The following THADA variants were observed in gnomAD, a reference collection of about 807,000 sequenced individuals.
THADA encodes THADA armadillo repeat containing.
A neutral mutation model predicts 219.8 loss-of-function variants in THADA; 213 were observed. The observed-to-expected ratio is 0.97, with a 90% confidence interval of 0.87 to 1.09. THADA has a LOEUF of 1.09. Ranked by LOEUF, THADA falls within the 50% of genes least tolerant of loss-of-function variation. The pLI, the probability that THADA is intolerant of heterozygous loss-of-function variation, is 0.00. For missense variants in THADA, 2,956 were observed against 2,311.3 expected (o/e 1.28, Z -5.72); for synonymous variants, 1,018 against 828.9 (o/e 1.23, Z -3.92).
chr2:43,257,237 T>C (rs938322068), intron 36 of THADA, among the ~76,000 whole-genome samples: 1 of 152,232 alleles, frequency 6.6e-6, no homozygotes. Context: ...CCAGACTACC[T>C]GTTTTGGGAG....
At chr2:43,323,773 T>C (rs918673768) in intron 30 of THADA, among the ~76,000 whole-genome samples, 3 of 152,156 alleles carry the variant, frequency 2.0e-5, no homozygotes, top group African/African-American at 7.2e-5. Flanking sequence ...CAGGGTGGAC[T>C]GGAGAAATGA....
At position 43,258,163 on chromosome 2, in the gene THADA, C is replaced by T. The variant is rs1410557138; in HGVS notation, c.5296+21602G>A. Among the ~76,000 whole-genome samples, 17 of 152,222 alleles carry T rather than the reference C, an allele frequency of 1.1e-4. No homozygotes were observed. In the South Asian group the frequency reaches 2.7e-3, roughly 24 times the overall value. On this transcript the variant is annotated intron_variant, in intron 36 of 37. Transcript: ENST00000405975. ...TGAGTAGGTCTGAATTTCAGGTAAA[C>T]AATAAATATCCTTTTAGTGTAAGTA...
intron 8 of THADA, 43 bp from the exon 9 acceptor site, chr2:43,578,650 T>A (rs1458641295): frequency 2.1e-6 from 3 of 1,431,206 alleles, no homozygotes; most frequent in Non-Finnish European, 2.9e-6. Context: ...AAATAATGAA[T>A]ATTCTGGTAG....
rs531910655 is a variant in THADA, at chr2:43,538,914, A to C, written c.3264+2245T>G. Among the ~76,000 whole-genome samples, 8 of 152,280 alleles carry C rather than the reference A, an allele frequency of 5.3e-5. No homozygotes were observed. In the South Asian group the frequency reaches 1.7e-3, roughly 32 times the overall value. The stretch of plus-strand genomic sequence containing the variant: ...TAATCTCCCTACCTTTTATACTCCT[A>C]TATGGGGGATTTAAGTGGCCACCGG... On this transcript the variant is annotated intron_variant, in intron 21 of 37. Transcript: ENST00000405975.
At chr2:43,500,282 C>G (rs1338359944) in intron 24 of THADA, among the ~76,000 whole-genome samples, 2 of 152,120 alleles carry the variant, frequency 1.3e-5, no homozygotes, top group Admixed American at 6.6e-5. Context: ...TGGAAGAGAG[C>G]AAGAGGGGGC....
intron 31 of THADA, among the ~76,000 whole-genome samples, chr2:43,311,900 A>G (rs907686442): frequency 1.3e-5 from 2 of 152,212 alleles, no homozygotes; most frequent in African/African-American, 2.4e-5. Context: ...AACAGAGAAC[A>G]CTGAAACCAC....
chr2:43,261,906 G>T (rs1439486907), intron 36 of THADA, among the ~76,000 whole-genome samples: 1 of 152,098 alleles, frequency 6.6e-6, no homozygotes, highest in South Asian at 2.1e-4. Context: ...CAAAGTGCTA[G>T]GATTACAGGC....
chr2:43,390,588 T>C (rs1185757067), intron 29 of THADA, among the ~76,000 whole-genome samples: 4 of 152,200 alleles, frequency 2.6e-5, no homozygotes, highest in Non-Finnish European at 5.9e-5. Flanking sequence ...ACTTGTTCCT[T>C]TGTCCGCAGC....
chr2:43,235,395 G>C (rs954685505), intron 36 of THADA, among the ~76,000 whole-genome samples: 2 of 152,106 alleles, frequency 1.3e-5, no homozygotes, highest in African/African-American at 4.8e-5. Context: ...CCAGGTTTAA[G>C]AGATTCTCCT....
chr2:43,519,119 G>A (rs1445447618), intron 22 of THADA, among the ~76,000 whole-genome samples: 2 of 151,826 alleles, frequency 1.3e-5, no homozygotes, highest in African/African-American at 4.8e-5. Flanking sequence ...CTTTGTCTTG[G>A]TCTTTAACGT....
chr2:43,415,508 T>A (rs1002629716), intron 28 of THADA, among the ~76,000 whole-genome samples: 1 of 152,166 alleles, frequency 6.6e-6, no homozygotes, highest in Non-Finnish European at 1.5e-5. Context: ...TCCACTCAGA[T>A]CTCATAACAA....
chr2:43,391,901 T>C (rs10166054), intron 29 of THADA: 64,622 of 152,090 alleles, frequency 0.42, 14,465 homozygotes, highest in African/African-American at 0.51. Context: ...AACACAAGTC[T>C]TCAAAAAGAA....
At chr2:43,418,965 A>G (rs757316229) in intron 28 of THADA, among the ~76,000 whole-genome samples, 1 of 152,218 alleles carries the variant, frequency 6.6e-6, no homozygotes, top group Non-Finnish European at 1.5e-5. Context: ...CAGTGGAAGA[A>G]GCGGCCAGGC....
rs377667791 is a variant in THADA at position 43,574,551 on chromosome 2, T to G, written c.1514A>C (p.His505Pro). The change falls in exon 11 of 38, where the codon CAT becomes CCT. Residue 505 changes from histidine (H) to proline (P), a missense_variant. Physicochemically the swap from His to Pro is moderately conservative, Grantham distance 77. Transcript: ENST00000405975. The part of the protein sequence containing the change: ...SDLLETMFRN[H>P]KSHLKSQTAE... Reference sequence around the variant, plus strand: ...AGTCTGGGATTTCAAATGACTCTTATGATTTCTAAACATGGTTTCCAAGAG... The same window carrying G: ...AGTCTGGGATTTCAAATGACTCTTAGGATTTCTAAACATGGTTTCCAAGAG... The G allele has an allele frequency of 3.1e-5, 50 of 1,614,022 alleles. No individual in the cohort carries two copies. The African/African-American group carries it at 6.1e-4, about 20-fold the overall frequency.
intron 29 of THADA, among the ~76,000 whole-genome samples, chr2:43,358,361 A>T (rs935979160): frequency 6.6e-6 from 1 of 151,916 alleles, no homozygotes; most frequent in African/African-American, 2.4e-5. Flanking sequence ...AGAAACTTTG[A>T]CATTCCCAAG....
chr2:43,547,021 T>C (rs1045244654), intron 20 of THADA, among the ~76,000 whole-genome samples: 2 of 151,834 alleles, frequency 1.3e-5, no homozygotes, highest in African/African-American at 4.8e-5. Context: ...GGTTGTTCCT[T>C]TCCATGTTTA....
intron 34 of THADA, among the ~76,000 whole-genome samples, chr2:43,291,237 G>C (rs1674662021): frequency 6.6e-6 from 1 of 151,514 alleles, no homozygotes. Context: ...ATCACCTGAG[G>C]TCAGGAGTTC....
chr2:43,351,379 A>T (rs904439742), intron 29 of THADA, among the ~76,000 whole-genome samples: 2 of 152,082 alleles, frequency 1.3e-5, no homozygotes, highest in Non-Finnish European at 2.9e-5. Flanking sequence ...CCTGGCCAGG[A>T]CGTTCCATCA....
At chr2:43,384,119 C>T (rs1435420245) in intron 29 of THADA, among the ~76,000 whole-genome samples, 2 of 152,144 alleles carry the variant, frequency 1.3e-5, no homozygotes, top group Non-Finnish European at 2.9e-5. Context: ...GAAAATTATG[C>T]ACCTCTACTC....
Sources: allele counts gnomAD v4.1 joint callset (sites outside exome capture counted in the v4.1 genomes callset), GRCh38; gene constraint gnomAD v4.1.1; transcripts MANE v1.5; gene names NCBI Gene and HGNC (gene_info 2026-07-23, HGNC 2026-07-21).